The following C5 variants were observed in gnomAD, a reference collection of about 807,000 sequenced individuals.
C5 encodes complement C5, also known as C3 and PZP-like alpha-2-macroglobulin domain-containing protein 4.
C5 carries 140 observed loss-of-function variants against 218.8 expected under a neutral mutation model. The ratio of observed to expected loss-of-function variants is 0.64; its 90% CI spans 0.56 to 0.74. The LOEUF (loss-of-function observed/expected upper bound fraction) is 0.74. Ranked by LOEUF, C5 falls within the 30% of genes least tolerant of loss-of-function variation. The pLI is 0.00. For missense variants in C5, 1,700 were observed against 1,969.6 expected (o/e 0.86, Z 2.59); for synonymous variants, 614 against 682.3 (o/e 0.90, Z 1.56).
At chr9:120,998,414 T>A (rs1315807676) in intron 20 of C5, among the ~76,000 whole-genome samples, 1 of 152,242 alleles carries the variant, frequency 6.6e-6, no homozygotes, top group Non-Finnish European at 1.5e-5. Context: ...GTGTTTCAGA[T>A]AGTGGGAGCC....
Position 120,997,609 on chromosome 9 carries a change from T to C in C5, c.2728A>G (p.Ile910Val). The C allele has an allele frequency of 6.2e-7, 1 of 1,614,142 alleles. No individual in the cohort carries two copies. The change falls in exon 21 of 41, where the codon ATC (isoleucine) becomes GTC (valine). Residue 910 changes from isoleucine to valine, a missense_variant. Transcript: ENST00000223642. ...AACCAAGTCTCCAGTGAAAAATTGA[T>C]GTTGTGAAGGCCAATTTCCAGAGGA... ...VLPLEIGLHN[I>V]NFSLETWFGK... is the part of the protein sequence containing the mutation.
At chr9:120,988,785 G>A (rs1051920192) in intron 25 of C5, among the ~76,000 whole-genome samples, 1 of 152,188 alleles carries the variant, frequency 6.6e-6, no homozygotes, top group Non-Finnish European at 1.5e-5. Context: ...GACTAAGGGA[G>A]ACTAGTGTAA....
chr9:121,052,205 C>T (rs1280218580), upstream of C5, among the ~76,000 whole-genome samples: 1 of 152,040 alleles, frequency 6.6e-6, no homozygotes, highest in Non-Finnish European at 1.5e-5. Context: ...ACCTGTAATC[C>T]CAGATCTTTG....
Position 120,980,109 on chromosome 9 carries a change from G to A in C5, c.3632C>T (p.Ala1211Val). 1 of 1,614,072 alleles carries A rather than the reference G, an allele frequency of 6.2e-7. No homozygotes were observed. The highest frequency in any genetic ancestry group is 8.5e-7 in the Non-Finnish European group (1 of 1,180,004). ...TTTAACCAAAGCTTCTCTCTTCAAAGCTGAAACAATTGAACGAAACTGTGG... is the reference window on the plus strand; with the variant it reads ...TTTAACCAAAGCTTCTCTCTTCAAAACTGAAACAATTGAACGAAACTGTGG... ...THPQFRSIVSALKREALVKGN... is the reference protein window; with the variant it reads ...THPQFRSIVSVLKREALVKGN... The change falls in exon 28 of 41, where the codon GCT (alanine) becomes GTT (valine). Residue 1211 changes from alanine to valine, a missense_variant. Coordinates refer to ENST00000223642, the MANE Select transcript of C5 (RefSeq NM_001735.3).
chr9:121,074,384 G>C, the C5 span, among the ~76,000 whole-genome samples: 1 of 152,188 alleles, frequency 6.6e-6, no homozygotes, highest in South Asian at 2.1e-4. Flanking sequence ...GCAATCAGAG[G>C]AACATCCTCT....
rs1455132354 is a variant in C5 at position 120,971,974 on chromosome 9, G to C, written c.4036C>G (p.Leu1346Val). Residue 1346 changes from leucine (L) to valine (V), a missense_variant, in exon 31 of 41, where the codon CTC becomes GTC. Physicochemically the swap from Leu to Val is conservative, Grantham distance 32 (BLOSUM62 1). Coordinates refer to ENST00000223642, the MANE Select transcript of C5 (RefSeq NM_001735.3). ...CTGCCAAATCCTGTACTGACAATGA[G>C]GTCATCATTGAGAAGCACCTGGAAA... ...RPVEVLLNDD[L>V]IVSTGFGSGL... is the part of the protein sequence containing the mutation. The C allele has an allele frequency of 6.2e-7, 1 of 1,612,474 alleles. No individual in the cohort carries two copies. Among genetic ancestry groups the C allele is most frequent in the African/African-American group, 1.3e-5 (1 of 74,812 alleles).
At chr9:121,061,462 T>A in the C5 span, among the ~76,000 whole-genome samples, 1 of 151,768 alleles carries the variant, frequency 6.6e-6, no homozygotes, top group African/African-American at 2.4e-5. Context: ...GCACGAGAAT[T>A]GCTTGAAGCC....
intron 20 of C5, among the ~76,000 whole-genome samples, chr9:120,998,066 G>C (rs1476338052): frequency 6.6e-6 from 1 of 152,130 alleles, no homozygotes; most frequent in Non-Finnish European, 1.5e-5. Flanking sequence ...GCCTCCCAAA[G>C]TACTGGAATT....
At position 120,989,682 on chromosome 9, in the gene C5, T is replaced by G; in HGVS notation, c.3040A>C (p.Ser1014Arg). 6.2e-7 allele frequency: 1 copy of G among 1,613,860 alleles called. No homozygotes were observed. The highest frequency in any genetic ancestry group is 8.5e-7 in the Non-Finnish European group (1 of 1,179,780). Residue 1014 changes from serine (S) to arginine (R), a missense_variant, in exon 24 of 41, where the codon AGC becomes CGC. Transcript: ENST00000223642. ...PKGSAEAELM[S>R]VVPVFYVFHY... is the part of the protein sequence containing the mutation. ...AAAACATAGAATACTGGGACAACGC[T>G]CATCAGCTCCGCCTCTGCACTCCCT... is the stretch of plus-strand genomic sequence containing the variant.
the C5 span, among the ~76,000 whole-genome samples, chr9:121,067,738 A>G: frequency 3.4e-4 from 52 of 152,120 alleles, no homozygotes; most frequent in Admixed American, 1.8e-3. Context: ...TGTTCTTACC[A>G]TAGGGAGTAA....
chr9:121,042,609 T>C (rs1313745164), intron 3 of C5, among the ~76,000 whole-genome samples: 2 of 152,234 alleles, frequency 1.3e-5, no homozygotes, highest in Non-Finnish European at 2.9e-5. Context: ...TTGTAACATA[T>C]TGGAAAACAA....
At chr9:121,071,744 G>A in the C5 span, among the ~76,000 whole-genome samples, 4 of 152,064 alleles carry the variant, frequency 2.6e-5, no homozygotes, top group African/African-American at 7.2e-5. Context: ...AATAATGAAA[G>A]TTGCCATCCC....
At chr9:121,015,177 A>C in intron 16 of C5, 22 bp downstream of exon 16, 1 of 1,511,046 alleles carries the variant, frequency 6.6e-7, no homozygotes, top group Non-Finnish European at 9.2e-7. Context: ...ACCTTTTTAC[A>C]ATCACATGAA....
chr9:120,972,411 A>G (rs1394428015), intron 30 of C5, among the ~76,000 whole-genome samples: 1 of 152,182 alleles, frequency 6.6e-6, no homozygotes, highest in Non-Finnish European at 1.5e-5. Context: ...GAACCTCCAC[A>G]TAACTTGAAA....
the C5 span, among the ~76,000 whole-genome samples, chr9:121,073,174 C>A: frequency 9.9e-5 from 15 of 152,280 alleles, no homozygotes; most frequent in Admixed American, 6.5e-4. Flanking sequence ...AGCTTCTCCA[C>A]CCCAGATTTT....
intron 33 of C5, among the ~76,000 whole-genome samples, chr9:120,964,929 CAT>C (rs907055890): frequency 2.6e-5 from 4 of 152,102 alleles, no homozygotes; most frequent in African/African-American, 9.7e-5. Context: ...TGTTAGAAGA[CAT>C]AAAAGAGACA....
chr9:120,982,123 G>A (rs777105055), intron 26 of C5, among the ~76,000 whole-genome samples, 184 bp from the exon 27 acceptor site: 25 of 152,070 alleles, frequency 1.6e-4, no homozygotes, highest in Admixed American at 3.3e-4. Flanking sequence ...GCCATCCTCC[G>A]GCCTCAGCCT....
intron 20 of C5, among the ~76,000 whole-genome samples, chr9:121,000,729 A>G (rs2047155061): frequency 1.3e-5 from 2 of 152,206 alleles, no homozygotes; most frequent in African/African-American, 4.8e-5. Context: ...TCTGTTGTAT[A>G]GGTAAATGGC....
chr9:121,001,229 A>G (rs1022023023), intron 20 of C5, among the ~76,000 whole-genome samples: 7 of 152,220 alleles, frequency 4.6e-5, no homozygotes, highest in African/African-American at 1.7e-4. Context: ...CAACTATGAA[A>G]TAGATACTAT....
Sources: gnomAD v4.1 joint callset for allele counts (sites outside exome capture counted in the v4.1 genomes callset) on GRCh38, gnomAD v4.1.1 for gene constraint, MANE v1.5 for transcripts, NCBI Gene and HGNC (gene_info 2026-07-23, HGNC 2026-07-21) for gene names.